Variants in CSMD2 observed in about 807,000 individuals in gnomAD.
CSMD2 encodes the protein CUB and Sushi multiple domains 2.
CSMD2 carries 130 observed loss-of-function variants against 398.5 expected under a neutral mutation model. That is an observed-to-expected ratio of 0.33 (90% CI 0.28 to 0.38). CSMD2 has a LOEUF of 0.38. Among genes scored for constraint, CSMD2 ranks in the 10% least tolerant of loss-of-function variants. The pLI is 1.00. For synonymous variants in CSMD2, 1,828 were observed against 1,908.5 expected, an observed-to-expected ratio of 0.96 and a Z score of 1.10; for missense variants, 3,829 against 4,764.9, an observed-to-expected ratio of 0.80 and a Z score of 5.78.
rs529298985 is a variant in CSMD2, at chr1:33,681,572, G to A, written c.4052+11358C>T. Among the ~76,000 whole-genome samples, 51 of 152,208 alleles carry A rather than the reference G, an allele frequency of 3.4e-4. No individual in the cohort carries two copies. In the South Asian group the frequency reaches 9.1e-3, roughly 27 times the overall value. Reference sequence around the variant, plus strand: ...TTCATAGTCACCAATTCTTAGTACCGTGTAGTTTTTCTAAACATCTCAGTT... The same window carrying A: ...TTCATAGTCACCAATTCTTAGTACCATGTAGTTTTTCTAAACATCTCAGTT... On this transcript the variant is annotated intron_variant, in intron 25 of 70. Coordinates refer to ENST00000373381, the MANE Select transcript of CSMD2 (RefSeq NM_001281956.2).
chr1:34,140,673 C>A (rs374704882), intron 1 of CSMD2, among the ~76,000 whole-genome samples: 5 of 152,156 alleles, frequency 3.3e-5, no homozygotes, highest in African/African-American at 1.2e-4. Flanking sequence ...GATTACTATG[C>A]CCCTTACACA....
At chr1:34,128,203 C>T (rs1025198198) in intron 1 of CSMD2, among the ~76,000 whole-genome samples, 3 of 152,098 alleles carry the variant, frequency 2.0e-5, no homozygotes, top group Non-Finnish European at 4.4e-5. Context: ...CAAGCAAAAC[C>T]CAGGCAGCTG....
At chr1:33,541,085 G>A (rs751221918) in intron 59 of CSMD2, 45 bp downstream of exon 59, 2 of 1,592,044 alleles carry the variant, frequency 1.3e-6, no homozygotes, top group Non-Finnish European at 8.6e-7. Flanking sequence ...TCTCACTTTT[G>A]TATCTTCTTT....
At chr1:33,520,059 G>T in intron 68 of CSMD2, 109 bp from the exon 69 acceptor site, 1 of 1,312,574 alleles carries the variant, frequency 7.6e-7, no homozygotes, top group Middle Eastern at 1.9e-4. Flanking sequence ...CACTCAGGGT[G>T]CTCCTCACTC....
chr1:33,946,323 C>T (rs1253352385), intron 3 of CSMD2, among the ~76,000 whole-genome samples: 1 of 152,190 alleles, frequency 6.6e-6, no homozygotes, highest in African/African-American at 2.4e-5. Flanking sequence ...ACTTTCTGTA[C>T]TAGTCATTAT....
At chr1:33,540,796 G>C (rs988734279) in intron 59 of CSMD2, 98 bp from the exon 60 acceptor site, 6 of 1,378,186 alleles carry the variant, frequency 4.4e-6, no homozygotes, top group East Asian at 4.6e-5. Context: ...CACCCACCTA[G>C]AGCCTGGGCT....
At chr1:33,960,901 C>T (rs1645335844) in intron 3 of CSMD2, among the ~76,000 whole-genome samples, 1 of 152,204 alleles carries the variant, frequency 6.6e-6, no homozygotes, top group Non-Finnish European at 1.5e-5. Context: ...GGAAGCATGT[C>T]CATGGCAGGT....
intron 5 of CSMD2, among the ~76,000 whole-genome samples, chr1:33,908,085 C>CA (rs35932181): frequency 0.037 from 2,855 of 76,740 alleles, 178 homozygotes; most frequent in African/African-American, 0.11. Flanking sequence ...GACTCCATCT[C>CA]AAAAAAAAAA....
intron 12 of CSMD2, among the ~76,000 whole-genome samples, chr1:33,773,240 C>T (rs1651522670): frequency 6.6e-6 from 1 of 152,214 alleles, no homozygotes; most frequent in South Asian, 2.1e-4. Context: ...AAAGGCAAGT[C>T]AAGATGACAC....
intron 2 of CSMD2, among the ~76,000 whole-genome samples, chr1:34,082,057 G>A (rs1306573907): frequency 3.9e-4 from 58 of 149,708 alleles, no homozygotes; most frequent in African/African-American, 1.2e-3. Context: ...CCGTCATCCC[G>A]TCTAGGAAGT....
intron 5 of CSMD2, among the ~76,000 whole-genome samples, chr1:33,881,063 C>G (rs1362961103): frequency 6.6e-6 from 1 of 152,184 alleles, no homozygotes; most frequent in East Asian, 1.9e-4. Context: ...AATGACCTCG[C>G]TGGTAGGGAA....
At chr1:33,995,220 C>A (rs1646688737) in intron 3 of CSMD2, among the ~76,000 whole-genome samples, 1 of 152,182 alleles carries the variant, frequency 6.6e-6, no homozygotes, top group African/African-American at 2.4e-5. Flanking sequence ...TCCAGCAAGA[C>A]TCCAACGAAG....
At chr1:34,052,990 C>A (rs1046346112) in intron 2 of CSMD2, among the ~76,000 whole-genome samples, 1 of 152,054 alleles carries the variant, frequency 6.6e-6, no homozygotes, top group African/African-American at 2.4e-5. Context: ...GGGAAGGAAG[C>A]ATGTGAGACA....
intron 55 of CSMD2, among the ~76,000 whole-genome samples, chr1:33,551,108 T>C (rs1032328953): frequency 3.9e-5 from 6 of 152,178 alleles, no homozygotes; most frequent in African/African-American, 9.7e-5. Flanking sequence ...AGGCCAGCCA[T>C]GCAAAATTTT....
chr1:34,030,042 C>T (rs907036002), intron 3 of CSMD2, among the ~76,000 whole-genome samples: 5 of 152,192 alleles, frequency 3.3e-5, no homozygotes, highest in African/African-American at 4.8e-5. Flanking sequence ...CTTTGTGAAT[C>T]CGATGAAAGC....
At chr1:33,756,054 C>T (rs1557845485) in intron 13 of CSMD2, among the ~76,000 whole-genome samples, 1 of 152,170 alleles carries the variant, frequency 6.6e-6, no homozygotes, top group Non-Finnish European at 1.5e-5. Flanking sequence ...TCCATAATAC[C>T]TTCTCCAGGT....
intron 44 of CSMD2, among the ~76,000 whole-genome samples, chr1:33,597,864 T>C (rs1639941898): frequency 6.6e-6 from 1 of 152,256 alleles, no homozygotes; most frequent in African/African-American, 2.4e-5. Context: ...AATTGCTATA[T>C]TTTCATGCAA....
chr1:33,929,491 G>T (rs1432190882), intron 4 of CSMD2, among the ~76,000 whole-genome samples: 1 of 134,850 alleles, frequency 7.4e-6, no homozygotes, highest in African/African-American at 2.9e-5. Context: ...AGGTTGGAGT[G>T]CAGTGGCATG....
intron 5 of CSMD2, among the ~76,000 whole-genome samples, chr1:33,859,834 T>A (rs888948281): frequency 6.6e-6 from 1 of 152,226 alleles, no homozygotes; most frequent in Non-Finnish European, 1.5e-5. Context: ...GACAGAGATA[T>A]GCTAAGAGCA....
Sources: allele counts gnomAD v4.1 joint callset (sites outside exome capture counted in the v4.1 genomes callset), GRCh38; gene constraint gnomAD v4.1.1; transcripts MANE v1.5; gene names NCBI Gene and HGNC (gene_info 2026-07-23, HGNC 2026-07-21).